The following COL24A1 variants were observed in gnomAD, a reference collection of about 807,000 sequenced individuals.
The protein encoded by COL24A1 is collagen alpha-1(XXIV) chain.
In COL24A1, 224 loss-of-function variants were observed where a neutral mutation model predicts 253.9. The observed-to-expected ratio is 0.88, with a 90% CI of 0.79 to 0.99. The LOEUF (loss-of-function observed/expected upper bound fraction) is 0.99. Ranked by LOEUF, COL24A1 falls within the 50% of genes least tolerant of loss-of-function variation. COL24A1 has a pLI of 0.00. For synonymous variants in COL24A1, 685 were observed against 673.7 expected, an observed-to-expected ratio of 1.02 and a Z score of -0.26; for missense variants, 2,131 against 2,068.5, an observed-to-expected ratio of 1.03 and a Z score of -0.59.
chr1:86,057,531 T>C (rs1700757321), intron 10 of COL24A1, among the ~76,000 whole-genome samples: 1 of 152,242 alleles, frequency 6.6e-6, no homozygotes, highest in Non-Finnish European at 1.5e-5. Flanking sequence ...TCTTTCTTTG[T>C]AGATATTTCT....
intron 57 of COL24A1, among the ~76,000 whole-genome samples, chr1:85,740,542 AC>A (rs1258727673): frequency 6.6e-6 from 1 of 151,776 alleles, no homozygotes; most frequent in Non-Finnish European, 1.5e-5. Context: ...TGCAACCTCC[AC>A]CCCCTGCAGG....
chr1:85,833,798 G>A (rs932937198), intron 43 of COL24A1, among the ~76,000 whole-genome samples: 22 of 152,254 alleles, frequency 1.4e-4, no homozygotes, highest in African/African-American at 5.1e-4. Flanking sequence ...AAAAAAGGAT[G>A]AGTTCATGTC....
chr1:85,880,821 T>A (rs1681752768), intron 32 of COL24A1, among the ~76,000 whole-genome samples: 1 of 152,204 alleles, frequency 6.6e-6, no homozygotes, highest in Non-Finnish European at 1.5e-5. Flanking sequence ...GGTGATGGAT[T>A]ACATTAATTG....
At chr1:86,012,089 G>C (rs1319154977) in intron 19 of COL24A1, among the ~76,000 whole-genome samples, 2 of 151,546 alleles carry the variant, frequency 1.3e-5, no homozygotes, top group African/African-American at 4.8e-5. Flanking sequence ...AAAGTGCTGG[G>C]ATTACAAGCA....
chr1:85,740,977 G>A (rs1664560481), intron 57 of COL24A1, among the ~76,000 whole-genome samples: 3 of 36,520 alleles, frequency 8.2e-5, no homozygotes, highest in Non-Finnish European at 2.3e-4. Context: ...AAATTAGCTG[G>A]GCATCGTGGC....
At chr1:85,945,744 G>A (rs954655783) in intron 24 of COL24A1, among the ~76,000 whole-genome samples, 3 of 151,176 alleles carry the variant, frequency 2.0e-5, no homozygotes, top group Non-Finnish European at 4.4e-5. Context: ...ACTTCCTATA[G>A]GCAACTTAAG....
intron 47 of COL24A1, among the ~76,000 whole-genome samples, chr1:85,800,608 G>A (rs1179952714): frequency 6.6e-6 from 1 of 151,946 alleles, no homozygotes; most frequent in African/African-American, 2.4e-5. Flanking sequence ...ATGTCAGGAA[G>A]CCAGAATTTG....
intron 19 of COL24A1, among the ~76,000 whole-genome samples, chr1:85,999,162 AAT>A (rs1339143489): frequency 6.6e-6 from 1 of 152,136 alleles, no homozygotes; most frequent in African/African-American, 2.4e-5. Flanking sequence ...ATGTAAACCA[AAT>A]ATATGGTCAA....
At position 86,124,936 on chromosome 1, in the gene COL24A1, G is replaced by A; in HGVS notation, c.1400C>T (p.Thr467Ile). The A allele has an allele frequency of 6.2e-7, 1 of 1,612,454 alleles. No homozygotes were observed. Among genetic ancestry groups the A allele is most frequent in the Non-Finnish European group, 8.5e-7 (1 of 1,179,424 alleles). ...ATYPIENSYE[T>I]ELYDYYYYED... Reference sequence around the variant, plus strand: ...ATAATAATAATAATCATAAAGCTCAGTTTCATAGCTATTTTCGATGGGATA... The same window carrying A: ...ATAATAATAATAATCATAAAGCTCAATTTCATAGCTATTTTCGATGGGATA... Residue 467 changes from threonine to isoleucine, a missense_variant, in exon 3 of 60, where the codon ACT becomes ATT. Transcript: ENST00000370571.
intron 3 of COL24A1, among the ~76,000 whole-genome samples, chr1:86,120,852 C>T (rs61802241): frequency 0.17 from 26,513 of 151,876 alleles, 2,435 homozygotes; most frequent in South Asian, 0.27. Context: ...TGTATGTTTA[C>T]TGTGGCACTA....
intron 53 of COL24A1, among the ~76,000 whole-genome samples, chr1:85,774,321 C>T (rs982690779): frequency 1.3e-5 from 2 of 152,024 alleles, no homozygotes; most frequent in African/African-American, 2.4e-5. Context: ...GGATATTGGC[C>T]TAAAATTCTC....
chr1:86,072,718 C>A (rs1701960425), intron 7 of COL24A1, among the ~76,000 whole-genome samples: 1 of 152,162 alleles, frequency 6.6e-6, no homozygotes, highest in African/African-American at 2.4e-5. Flanking sequence ...GGTCGACAGA[C>A]ACCTCATACA....
intron 43 of COL24A1, among the ~76,000 whole-genome samples, chr1:85,832,610 G>A (rs1299913232): frequency 1.3e-5 from 2 of 149,524 alleles, no homozygotes; most frequent in Non-Finnish European, 3.0e-5. Flanking sequence ...ATTGAGCAGT[G>A]GTTTGTAGTT....
chr1:85,926,623 CACTTGGA>C (rs2092112216), intron 24 of COL24A1, among the ~76,000 whole-genome samples: 3 of 151,522 alleles, frequency 2.0e-5, no homozygotes, highest in Non-Finnish European at 4.4e-5. Flanking sequence ...ACAATGAGTA[CACTTGGA>C]CACAGGGCGG....
intron 1 of COL24A1, among the ~76,000 whole-genome samples, chr1:86,149,150 C>A (rs1000340885): frequency 5.3e-5 from 8 of 152,210 alleles, no homozygotes; most frequent in African/African-American, 1.9e-4. Context: ...CTGCTTCAGC[C>A]TCCCAAAGTG....
intron 47 of COL24A1, among the ~76,000 whole-genome samples, chr1:85,815,623 A>C (rs549651607): frequency 1.4e-4 from 21 of 152,242 alleles, no homozygotes; most frequent in African/African-American, 4.8e-4. Flanking sequence ...CAAATGAGAT[A>C]ACTCATTGTA....
rs1456291932 is a variant in COL24A1, at chr1:85,745,504, C to T, written c.4440G>A (p.Lys1480=). 2 of 1,608,946 alleles carry T rather than the reference C, an allele frequency of 1.2e-6. No homozygotes were observed. Among genetic ancestry groups the T allele is most frequent in the Admixed American group, 1.7e-5 (1 of 59,264 alleles). Residue 1480 remains lysine (K), a splice_region_variant and synonymous_variant, in exon 56 of 60, where the codon AAG becomes AAA. Transcript: ENST00000370571. ...GAATAGCAGCATTGATATCCATTTG[C>T]TTCTGTGTAAAACAAAACCATTTGA... ...PGPPGAPGPR[K]QMDINAAIQA... is the part of the protein sequence containing the mutation.
intron 43 of COL24A1, among the ~76,000 whole-genome samples, chr1:85,830,914 G>C (rs1302019864): frequency 6.6e-6 from 1 of 152,124 alleles, no homozygotes; most frequent in Non-Finnish European, 1.5e-5. Context: ...CTGTAGACCG[G>C]AGCTGTTCTT....
chr1:85,792,240 G>T (rs953649148), intron 47 of COL24A1, among the ~76,000 whole-genome samples: 1 of 151,864 alleles, frequency 6.6e-6, no homozygotes, highest in South Asian at 2.1e-4. Context: ...TGATTCCTAG[G>T]ATATTAAATT....
Sources: allele counts gnomAD v4.1 joint callset (sites outside exome capture counted in the v4.1 genomes callset), GRCh38; gene constraint gnomAD v4.1.1; transcripts MANE v1.5; gene names NCBI Gene and HGNC (gene_info 2026-07-23, HGNC 2026-07-21).